Variants in MAPKAP1 observed in about 807,000 individuals in gnomAD.
MAPKAP1 encodes target of rapamycin complex 2 subunit MAPKAP1.
Under a neutral mutation model 65.7 loss-of-function variants are expected in MAPKAP1, and 20 were observed. The observed-to-expected ratio is 0.30, with a 90% CI of 0.21 to 0.44. MAPKAP1 has a LOEUF of 0.44. MAPKAP1 is among the 20% of genes least tolerant of loss of function. The pLI, the probability that MAPKAP1 is intolerant of heterozygous loss-of-function variation, is 1.00. For missense variants in MAPKAP1, 423 were observed against 648.0 expected, an observed-to-expected ratio of 0.65 and a Z score of 3.77; for synonymous variants, 222 against 244.3, an observed-to-expected ratio of 0.91 and a Z score of 0.85.
intron 8 of MAPKAP1, among the ~76,000 whole-genome samples, chr9:125,495,563 G>T (rs1365272175): frequency 6.6e-6 from 1 of 152,090 alleles, no homozygotes; most frequent in African/African-American, 2.4e-5. Flanking sequence ...AGGTCTAAAT[G>T]CACTTAAACC....
chr9:125,466,746 G>A (rs1853695047), intron 10 of MAPKAP1, among the ~76,000 whole-genome samples: 1 of 152,114 alleles, frequency 6.6e-6, no homozygotes, highest in South Asian at 2.1e-4. Context: ...AAGGGAGTGG[G>A]GTGGCCTTCC....
chr9:125,699,637 A>ATTT (rs576223488), intron 1 of MAPKAP1, among the ~76,000 whole-genome samples: 22 of 136,452 alleles, frequency 1.6e-4, no homozygotes, highest in African/African-American at 5.6e-4. Context: ...TTTGATTTTG[A>ATTT]TTTTTTTTTT....
chr9:125,513,116 A>C (rs1356687030), intron 7 of MAPKAP1: 8 of 152,222 alleles, frequency 5.3e-5, no homozygotes. Context: ...GCGCTGATCT[A>C]GGCTGTAGCC....
chr9:125,670,699 C>T (rs528907869), intron 2 of MAPKAP1, among the ~76,000 whole-genome samples: 1 of 152,238 alleles, frequency 6.6e-6, no homozygotes, highest in Non-Finnish European at 1.5e-5. Context: ...CTTCAAAAAT[C>T]AGTGAACTGA....
Position 125,592,092 on chromosome 9 carries a change from T to C in MAPKAP1, c.499-6365A>G, listed in dbSNP as rs115118197. On this transcript the variant is annotated intron_variant, in intron 4 of 11. Transcript: ENST00000265960. Reference sequence around the variant, plus strand: ...TCAACAAACACCAGCTGAAACATGATGCTGGGCTCCGAAGACAAAGTCCAC... The same window carrying C: ...TCAACAAACACCAGCTGAAACATGACGCTGGGCTCCGAAGACAAAGTCCAC... 4.5e-3 allele frequency among the ~76,000 whole-genome samples: 688 copies of C among 152,336 alleles called. 6 individuals are homozygous for C. The highest frequency in any genetic ancestry group is 0.015 in the African/African-American group (635 of 41,578).
intron 4 of MAPKAP1, among the ~76,000 whole-genome samples, chr9:125,637,727 G>A (rs1463484851): frequency 6.6e-6 from 1 of 152,162 alleles, no homozygotes; most frequent in East Asian, 1.9e-4. Flanking sequence ...AATGAGAAAC[G>A]ATGTATTAAA....
intron 4 of MAPKAP1, among the ~76,000 whole-genome samples, chr9:125,617,854 A>T (rs1261755448): frequency 2.0e-5 from 3 of 152,244 alleles, no homozygotes; most frequent in African/African-American, 7.2e-5. Flanking sequence ...GACTTCAAAA[A>T]TAAAAGTAAT....
At chr9:125,506,175 G>A (rs1829133283) in intron 8 of MAPKAP1, 135 bp downstream of exon 8, 5 of 741,328 alleles carry the variant, frequency 6.7e-6, no homozygotes, top group Non-Finnish European at 1.2e-5. Context: ...TTGGCACGAA[G>A]ACTGCAGTCT....
intron 9 of MAPKAP1, among the ~76,000 whole-genome samples, chr9:125,474,178 G>T (rs1033521348): frequency 2.6e-5 from 4 of 152,140 alleles, no homozygotes; most frequent in Non-Finnish European, 5.9e-5. Flanking sequence ...AGGGCGAGAA[G>T]AATTCTCCCT....
chr9:125,483,133 C>T (rs117336464), intron 9 of MAPKAP1, among the ~76,000 whole-genome samples: 3,551 of 152,244 alleles, frequency 0.023, 61 homozygotes, highest in South Asian at 0.057. Flanking sequence ...AACTGCAGGC[C>T]CCGTACTCAG....
rs118058268 is a variant in MAPKAP1 at position 125,675,066 on chromosome 9, T to A, written c.-69-2423A>T. ...AATGTATACACCACACATTTATTTATAAATGAGAGTATTTGTGGAAGCATA... is the reference window on the plus strand; with the variant it reads ...AATGTATACACCACACATTTATTTAAAAATGAGAGTATTTGTGGAAGCATA... On this transcript the variant is annotated intron_variant, in intron 1 of 11. Transcript: ENST00000265960. Among the ~76,000 whole-genome samples, 585 of 152,334 alleles carry A rather than the reference T, an allele frequency of 3.8e-3. 3 individuals carry two copies. Among genetic ancestry groups the A allele is most frequent in the Non-Finnish European group, 7.2e-3 (493 of 68,030 alleles).
chr9:125,608,035 T>C (rs1302617527), intron 4 of MAPKAP1, among the ~76,000 whole-genome samples: 1 of 152,182 alleles, frequency 6.6e-6, no homozygotes, highest in African/African-American at 2.4e-5. Flanking sequence ...AGGGAGGGTA[T>C]GTCACGCCAG....
intron 4 of MAPKAP1, among the ~76,000 whole-genome samples, chr9:125,656,333 G>T (rs1466164887): frequency 2.0e-5 from 3 of 152,150 alleles, no homozygotes; most frequent in Non-Finnish European, 4.4e-5. Context: ...CAAAACAGGA[G>T]AAAGCAGCAA....
intron 11 of MAPKAP1, among the ~76,000 whole-genome samples, chr9:125,441,775 GAC>G (rs1305327587): frequency 2.0e-5 from 3 of 152,128 alleles, no homozygotes; most frequent in African/African-American, 7.2e-5. Flanking sequence ...AGCTCACAAA[GAC>G]ACACTCAGGA....
At chr9:125,549,164 C>T (rs1830513087) in intron 6 of MAPKAP1, among the ~76,000 whole-genome samples, 2 of 152,212 alleles carry the variant, frequency 1.3e-5, no homozygotes, top group South Asian at 4.1e-4. Flanking sequence ...TTAGACTAAC[C>T]ATATGACCTA....
intron 7 of MAPKAP1, among the ~76,000 whole-genome samples, chr9:125,541,582 C>G (rs1830249537): frequency 6.6e-6 from 1 of 152,172 alleles, no homozygotes; most frequent in South Asian, 2.1e-4. Context: ...TAGATTGGCA[C>G]CTGGAACCCC....
Position 125,634,331 on chromosome 9 carries a change from T to C in MAPKAP1, c.498+23320A>G, listed in dbSNP as rs181150179. ...ATTGCCTCCAGACAGATAAATATAA[T>C]ACAAAGTTCTCTTATTTAAAAGTCA... is the stretch of plus-strand genomic sequence containing the variant. On this transcript the variant is annotated intron_variant, in intron 4 of 11. Transcript: ENST00000265960. 2.6e-5 allele frequency among the ~76,000 whole-genome samples: 4 copies of C among 152,326 alleles called. No individual in the cohort carries two copies. The East Asian group carries it at 5.8e-4, about 22-fold the overall frequency.
At chr9:125,639,672 A>G (rs889276739) in intron 4 of MAPKAP1, among the ~76,000 whole-genome samples, 3 of 152,078 alleles carry the variant, frequency 2.0e-5, no homozygotes, top group Non-Finnish European at 4.4e-5. Flanking sequence ...GGAGGAGGCC[A>G]CTCTCAGATG....
At chr9:125,548,309 C>T (rs1277986820) in intron 6 of MAPKAP1, among the ~76,000 whole-genome samples, 1 of 152,192 alleles carries the variant, frequency 6.6e-6, no homozygotes, top group African/African-American at 2.4e-5. Context: ...AAGGTGGAGG[C>T]AAGTTCAGAG....
Sources: gnomAD v4.1 joint callset for allele counts (sites outside exome capture counted in the v4.1 genomes callset) on GRCh38, gnomAD v4.1.1 for gene constraint, MANE v1.5 for transcripts, NCBI Gene and HGNC (gene_info 2026-07-23, HGNC 2026-07-21) for gene names.